The following DSTYK variants were observed in gnomAD, a reference collection of about 807,000 sequenced individuals.
The protein encoded by DSTYK is RIP-homologous kinase.
Under a neutral mutation model 98.7 loss-of-function variants are expected in DSTYK, and 34 were observed. The observed-to-expected ratio is 0.34, with a 90% confidence interval of 0.26 to 0.46. The LOEUF (loss-of-function observed/expected upper bound fraction) is 0.46. Ranked by LOEUF, DSTYK falls within the 20% of genes least tolerant of loss-of-function variation. The pLI, the probability that DSTYK is intolerant of heterozygous loss-of-function variation, is 1.00. For synonymous variants in DSTYK, 462 were observed against 457.3 expected (o/e 1.01, Z -0.13); for missense variants, 962 against 1,181.7 (o/e 0.81, Z 2.73).
chr1:205,194,547 T>C (rs1340262296), intron 1 of DSTYK, among the ~76,000 whole-genome samples: 1 of 30,346 alleles, frequency 3.3e-5, no homozygotes, highest in South Asian at 1.1e-3. Flanking sequence ...AATCTCACTT[T>C]TTTTTTTTTT....
At chr1:205,201,539 C>CA (rs900624838) in intron 1 of DSTYK, among the ~76,000 whole-genome samples, 10 of 150,266 alleles carry the variant, frequency 6.7e-5, no homozygotes, top group African/African-American at 1.2e-4. Flanking sequence ...TCTATGGGGC[C>CA]AAAAAAAACG....
rs1455593348 is a variant in DSTYK, at chr1:205,169,876, A to T, written c.655-44T>A. The T allele has an allele frequency of 1.3e-6, 2 of 1,539,480 alleles. No individual in the cohort carries two copies. Among genetic ancestry groups the T allele is most frequent in the South Asian group, 2.5e-5 (2 of 80,978 alleles). On this transcript the variant is annotated intron_variant, in intron 2 of 12. Coordinates refer to ENST00000367162, the MANE Select transcript of DSTYK (RefSeq NM_015375.3). This position sits in a 1 kb window ranked among gnomAD's most constrained non-coding sequence, Gnocchi z 4.0. ...CATATATCAGCGCCTCAGGGTCAGA[A>T]CCAATCCCTGTCTCCCCAAAGTCCC...
intron 7 of DSTYK, 79 bp downstream of exon 7, chr1:205,161,179 G>A: frequency 1.3e-6 from 2 of 1,557,664 alleles, no homozygotes; most frequent in African/African-American, 2.7e-5. Context: ...TTAGACACTA[G>A]GATTCTCTGA....
chr1:205,188,278 C>T, intron 1 of DSTYK, among the ~76,000 whole-genome samples: 1 of 152,198 alleles, frequency 6.6e-6, no homozygotes, highest in East Asian at 1.9e-4. Flanking sequence ...ACTCAGATTA[C>T]AGTCGTGTGT....
chr1:205,185,062 G>A (rs1279170345), intron 2 of DSTYK, among the ~76,000 whole-genome samples: 4 of 152,088 alleles, frequency 2.6e-5, no homozygotes, highest in East Asian at 1.9e-4. Flanking sequence ...TTAGCTGGGC[G>A]TGGTGGCACA....
chr1:205,152,255 G>A (rs1360527380), intron 10 of DSTYK, among the ~76,000 whole-genome samples: 9 of 152,116 alleles, frequency 5.9e-5, no homozygotes. Context: ...TCGGCTCATC[G>A]CAACCTCTGC....
chr1:205,169,792 G>A lies in DSTYK; in HGVS notation c.695C>T (p.Pro232Leu). 6.2e-7 allele frequency: 1 copy of A among 1,614,034 alleles called. No homozygotes were observed. The highest frequency in any genetic ancestry group is 8.5e-7 in the Non-Finnish European group (1 of 1,179,992). The change falls in exon 3 of 13, where the codon CCC becomes CTC. Residue 232 changes from proline to leucine, a missense_variant. By Grantham distance (98) the Pro-to-Leu change is moderately conservative. Coordinates refer to ENST00000367162, the MANE Select transcript of DSTYK (RefSeq NM_015375.3). This position sits in a 1 kb window ranked among gnomAD's most constrained non-coding sequence, Gnocchi z 4.0. ...VVVAPCQGLR[P>L]TVDVLGDLVN... ...CAAGTCACCCAGAACATCCACTGTG[G>A]GCCGGAGGCCTTGGCATGGTGCTAC...
At chr1:205,155,568 G>A (rs1657532892) in intron 10 of DSTYK, among the ~76,000 whole-genome samples, 1 of 151,644 alleles carries the variant, frequency 6.6e-6, no homozygotes, top group African/African-American at 2.4e-5. Flanking sequence ...TGAGGCAGGA[G>A]AATCGCTTGA....
intron 10 of DSTYK, among the ~76,000 whole-genome samples, chr1:205,154,714 CAGA>C (rs892655737): frequency 8.5e-5 from 13 of 152,106 alleles, no homozygotes; most frequent in African/African-American, 3.1e-4. Context: ...TTGGAGGGCT[CAGA>C]AGAAGACAGG....
chr1:205,203,490 AGGG>A (rs1659102902), intron 1 of DSTYK, among the ~76,000 whole-genome samples: 1 of 89,722 alleles, frequency 1.1e-5, no homozygotes, highest in East Asian at 4.8e-4. Context: ...AGAAAAGGAG[AGGG>A]GAGGGGAGGG....
At chr1:205,182,385 T>C (rs1658433723) in intron 2 of DSTYK, among the ~76,000 whole-genome samples, 1 of 151,050 alleles carries the variant, frequency 6.6e-6, no homozygotes, top group Non-Finnish European at 1.5e-5. Context: ...AGTGAGACCC[T>C]GTCTCAAAAA....
chr1:205,147,877 T>C, intron 12 of DSTYK, 132 bp from the exon 13 acceptor site: 1 of 863,640 alleles, frequency 1.2e-6, no homozygotes. Context: ...TGACTTCGAT[T>C]GCAAACATCT....
Position 205,169,318 on chromosome 1 carries a change from C to T in DSTYK, c.1169G>A (p.Arg390His), listed in dbSNP as rs745365385. 4 of 1,614,084 alleles carry T rather than the reference C, an allele frequency of 2.5e-6. No homozygotes were observed. Among genetic ancestry groups the T allele is most frequent in the South Asian group, 1.1e-5 (1 of 91,074 alleles). The change falls in exon 3 of 13, where the codon CGT (arginine) becomes CAT (histidine). Residue 390 changes from arginine (R) to histidine (H), a missense_variant. This residue lies in a region of DSTYK where 660 missense variants were observed against 855.0 expected (regional missense o/e 0.77). Transcript: ENST00000367162. This position sits in a 1 kb window ranked among gnomAD's most constrained non-coding sequence, Gnocchi z 4.0. ...MQRDLQITPK[R>H]LEYTRKKENE... ...CTCCTTTTTTCGAGTATATTCCAGA[C>T]GTTTGGGAGTGATCTGCAGGTCCCG... is the stretch of plus-strand genomic sequence containing the variant.
In DSTYK at chr1:205,168,863, C is replaced by A. The variant is rs79294082; in HGVS notation, c.1324+300G>T. 3.9e-4 allele frequency among the ~76,000 whole-genome samples: 60 copies of A among 152,288 alleles called. 1 individual carries two copies. In the East Asian group the frequency reaches 8.7e-3, roughly 22 times the overall value. On this transcript the variant is annotated intron_variant, in intron 3 of 12. Coordinates refer to ENST00000367162, the MANE Select transcript of DSTYK (RefSeq NM_015375.3). The stretch of plus-strand genomic sequence containing the variant: ...CATTCTCCAAGCAGCTCTTCTCCAG[C>A]TCCATTAGGGGTTGAGGGGGTACAG...
At chr1:205,163,109 T>G in intron 4 of DSTYK, 103 bp from the exon 5 acceptor site, 1 of 994,290 alleles carries the variant, frequency 1.0e-6, no homozygotes, top group Non-Finnish European at 1.6e-6. Context: ...GACTCAGGGT[T>G]TCCAAACTTA....
chr1:205,162,907 A>G lies in DSTYK; in HGVS notation c.1641+16T>C, dbSNP rs771221493. 1.3e-5 allele frequency: 20 copies of G among 1,596,896 alleles called. No homozygotes were observed. In the South Asian group the frequency reaches 1.7e-4, roughly 13 times the overall value. ...ACTAGGGGCTTTGAAATCTTTCTCTAAGTAATAATCCCTACCTGTTTGATT... is the reference window on the plus strand; with the variant it reads ...ACTAGGGGCTTTGAAATCTTTCTCTGAGTAATAATCCCTACCTGTTTGATT... On this transcript the variant is annotated intron_variant, in intron 5 of 12. Transcript: ENST00000367162.
At chr1:205,187,943 T>C in intron 1 of DSTYK, 137 bp from the exon 2 acceptor site, 2 of 839,322 alleles carry the variant, frequency 2.4e-6, no homozygotes, top group Non-Finnish European at 3.6e-6. Flanking sequence ...GAACCTTGGT[T>C]GAAGGACATA....
At position 205,181,656 on chromosome 1, in the gene DSTYK, T is replaced by TGTGTGTGTGTGTGTGTG. The variant is rs1558616449; in HGVS notation, c.654+5761_654+5762insCACACACACACACACAC. Among the ~76,000 whole-genome samples, 11 of 142,644 alleles carry TGTGTGTGTGTGTGTGTG rather than the reference T, an allele frequency of 7.7e-5. No homozygotes were observed. In the East Asian group the frequency reaches 8.3e-4, roughly 11 times the overall value. The allele number at this position is 142,644 out of a possible 152,430, so 93.6% of individuals were successfully genotyped here. A position where few individuals can be genotyped will look rare whatever the true frequency, so the allele number is the denominator to read the frequency against. The stretch of plus-strand genomic sequence containing the variant: ...AGATGTGAGCCACAGATGTTGGGGT[T>TGTGTGTGTGTGTGTGTG]TGTGTGTGTGTGTGTGTGTGTGTGT... On this transcript the variant is annotated intron_variant, in intron 2 of 12. Transcript: ENST00000367162.
Position 205,169,737 on chromosome 1 carries a change from A to G in DSTYK, c.750T>C (p.Tyr250=). Reference sequence around the variant, plus strand: ...CAGAGAGTTCATCTTTGTGGAGTGCATAGGTTATCACAGGCAAGAAATCAT... The same window carrying G: ...CAGAGAGTTCATCTTTGTGGAGTGCGTAGGTTATCACAGGCAAGAAATCAT... ...LVNDFLPVIT[Y]ALHKDELSER... The change falls in exon 3 of 13, where the codon TAT becomes TAC. Residue 250 remains tyrosine, a synonymous_variant. Transcript: ENST00000367162. This position sits in a 1 kb window ranked among gnomAD's most constrained non-coding sequence, Gnocchi z 4.0. 1 of 1,614,218 alleles carries G rather than the reference A, an allele frequency of 6.2e-7. No homozygotes were observed. The highest frequency in any genetic ancestry group is 8.5e-7 in the Non-Finnish European group (1 of 1,180,028).
Sources: gnomAD v4.1 joint callset for allele counts (sites outside exome capture counted in the v4.1 genomes callset) on GRCh38, gnomAD v4.1.1 for gene constraint, gnomAD v4.1.1 regional missense constraint, Gnocchi (gnomAD v3.1) non-coding constraint, MANE v1.5 for transcripts, NCBI Gene and HGNC (gene_info 2026-07-23, HGNC 2026-07-21) for gene names.